Variants in PCDH11X observed in about 807,000 individuals in gnomAD.
The protein encoded by PCDH11X is protocadherin-11 X-linked.
Under a neutral mutation model 53.3 loss-of-function variants are expected in PCDH11X, and 18 were observed. The ratio of observed to expected loss-of-function variants is 0.34; its 90% CI spans 0.23 to 0.50. The LOEUF is 0.50. PCDH11X is among the 20% of genes least tolerant of loss of function. PCDH11X has a pLI of 0.98. For missense variants in PCDH11X, 570 were observed against 1,032.4 expected, an observed-to-expected ratio of 0.55 and a Z score of 6.14; for synonymous variants, 279 against 393.3, an observed-to-expected ratio of 0.71 and a Z score of 3.44.
At chrX:92,081,538 A>G (rs1465695203) in intron 6 of PCDH11X, among the ~76,000 whole-genome samples, 4 of 110,698 alleles carry the variant, frequency 3.6e-5, no homozygotes, top group African/African-American at 1.3e-4. Flanking sequence ...GTAGGCTACA[A>G]TGAGATCTAT....
At chrX:92,474,702 TAAAC>T (rs1428853384) in intron 10 of PCDH11X, among the ~76,000 whole-genome samples, 2 of 97,767 alleles carry the variant, frequency 2.0e-5, no homozygotes, top group Non-Finnish European at 4.0e-5. Context: ...TAACACTGTA[TAAAC>T]AAACAAACAT....
At chrX:92,332,614 T>A (rs1413202086) in intron 8 of PCDH11X, among the ~76,000 whole-genome samples, 13 of 112,367 alleles carry the variant, frequency 1.2e-4, no homozygotes. Flanking sequence ...TTTCTAAAGA[T>A]AAATGACAAC....
At chrX:91,958,743 C>A (rs1192309832) in intron 6 of PCDH11X, among the ~76,000 whole-genome samples, 1 of 110,882 alleles carries the variant, frequency 9.0e-6, no homozygotes, top group Admixed American at 9.6e-5. Context: ...TGTTCCTCTC[C>A]GTGAATACCG....
At chrX:92,037,617 C>T (rs2063145547) in intron 6 of PCDH11X, among the ~76,000 whole-genome samples, 1 of 110,471 alleles carries the variant, frequency 9.1e-6, no homozygotes, top group Non-Finnish European at 1.9e-5. Flanking sequence ...TGAAGAGTTG[C>T]CACACTATCT....
chrX:92,292,149 G>A (rs1215083985), intron 8 of PCDH11X, among the ~76,000 whole-genome samples: 2 of 111,593 alleles, frequency 1.8e-5, no homozygotes, highest in Non-Finnish European at 3.8e-5. Flanking sequence ...GATTATGGAT[G>A]CAAAGTCATT....
chrX:92,554,775 G>A (rs1032342398), intron 10 of PCDH11X, among the ~76,000 whole-genome samples: 62 of 109,496 alleles, frequency 5.7e-4, no homozygotes, highest in Non-Finnish European at 1.0e-3. Context: ...TTTTCTATAT[G>A]GCATATTCTT....
intron 8 of PCDH11X, among the ~76,000 whole-genome samples, chrX:92,361,702 A>G (rs1382758767): frequency 1.0e-4 from 11 of 107,759 alleles, no homozygotes; most frequent in Non-Finnish European, 1.5e-4. Context: ...GTTTTTAAGT[A>G]TACAGTTCAA....
At chrX:91,875,272 A>AG (rs1170508099) in intron 5 of PCDH11X, among the ~76,000 whole-genome samples, 4 of 90,598 alleles carry the variant, frequency 4.4e-5, no homozygotes, top group Non-Finnish European at 8.6e-5. Context: ...TAGTACAGGG[A>AG]GGGGATTTTT....
chrX:91,941,237 A>G (rs886391168), intron 6 of PCDH11X, among the ~76,000 whole-genome samples: 1 of 111,501 alleles, frequency 9.0e-6, no homozygotes, highest in African/African-American at 3.2e-5. Flanking sequence ...ACAAACAACC[A>G]GTAACACCTT....
intron 7 of PCDH11X, among the ~76,000 whole-genome samples, chrX:92,245,431 A>G (rs1008505944): frequency 1.3e-4 from 15 of 112,470 alleles, no homozygotes; most frequent in African/African-American, 4.5e-4. Context: ...CTGAGAGACA[A>G]AATTATACAA....
intron 10 of PCDH11X, among the ~76,000 whole-genome samples, chrX:92,560,097 T>C (rs1261817271): frequency 8.9e-6 from 1 of 112,002 alleles, no homozygotes; most frequent in African/African-American, 3.2e-5. Flanking sequence ...ACTTTTATTA[T>C]GCATTTTGGA....
chrX:92,102,157 T>C (rs1049194564), intron 6 of PCDH11X, among the ~76,000 whole-genome samples: 2 of 110,995 alleles, frequency 1.8e-5, no homozygotes, highest in African/African-American at 6.6e-5. Context: ...CAACGGTAAT[T>C]GTGGGACTTA....
chrX:92,508,084 G>A (rs1384166112), intron 10 of PCDH11X, among the ~76,000 whole-genome samples: 1 of 110,854 alleles, frequency 9.0e-6, no homozygotes, highest in African/African-American at 3.3e-5. Flanking sequence ...CAAAATGCTG[G>A]GATTACAGGC....
intron 10 of PCDH11X, among the ~76,000 whole-genome samples, chrX:92,505,146 T>A (rs1269448811): frequency 2.8e-4 from 18 of 64,446 alleles, no homozygotes; most frequent in Non-Finnish European, 4.6e-4. Flanking sequence ...TTCTTTTTTC[T>A]TTTTTCTTTT....
At chrX:92,570,668 A>G (rs761586553) in intron 10 of PCDH11X, among the ~76,000 whole-genome samples, 50 of 101,357 alleles carry the variant, frequency 4.9e-4, no homozygotes, top group Non-Finnish European at 8.4e-4. Flanking sequence ...TTTTCTAACT[A>G]TGCCTACCCC....
intron 6 of PCDH11X, among the ~76,000 whole-genome samples, chrX:92,153,958 TAGA>T (rs1440278874): frequency 1.8e-5 from 2 of 111,686 alleles, no homozygotes; most frequent in Non-Finnish European, 3.8e-5. Context: ...TTATTACTGG[TAGA>T]AGAACGCCAA....
rs750802072 is a variant in PCDH11X at position 92,274,434 on chromosome X, G to T, written c.3144+11291G>T. On this transcript the variant is annotated intron_variant, in intron 8 of 10. Coordinates refer to ENST00000682573, the MANE Select transcript of PCDH11X (RefSeq NM_032968.5). ...CTGTATTGAGGTGGGAAGGCTAAAC[G>T]GAGGAATTATGTCTGACAGAACGGA... Among the ~76,000 whole-genome samples the T allele has an allele frequency of 1.3e-3, 146 of 111,107 alleles. 1 individual carries two copies. The highest frequency in any genetic ancestry group is 3.8e-3 in the African/African-American group (117 of 30,390).
chrX:92,358,708 C>T (rs1376212828), intron 8 of PCDH11X, among the ~76,000 whole-genome samples: 1 of 102,119 alleles, frequency 9.8e-6, no homozygotes, highest in African/African-American at 3.5e-5. Flanking sequence ...CTATCATGCT[C>T]ACAGATAGAG....
chrX:92,221,146 A>C (rs1360731256), intron 7 of PCDH11X, among the ~76,000 whole-genome samples: 2 of 102,702 alleles, frequency 1.9e-5, no homozygotes, highest in African/African-American at 7.0e-5. Context: ...ACATGTATAC[A>C]TATGTAACTA....
Sources: gnomAD v4.1 joint callset for allele counts (sites outside exome capture counted in the v4.1 genomes callset) on GRCh38, gnomAD v4.1.1 for gene constraint, MANE v1.5 for transcripts, NCBI Gene and HGNC (gene_info 2026-07-23, HGNC 2026-07-21) for gene names.